The following UGGT2 variants were observed in gnomAD, a reference collection of about 807,000 sequenced individuals.
UGGT2 encodes the protein UDP-glucose glycoprotein glucosyltransferase 2, also known as UDP-glucose:glycoprotein glucosyltransferase 2.
In UGGT2, 180 loss-of-function variants were observed where a neutral mutation model predicts 192.1. The ratio of observed to expected loss-of-function variants is 0.94; its 90% CI spans 0.83 to 1.06. UGGT2 has a LOEUF of 1.06. Ranked by LOEUF, UGGT2 falls within the 50% of genes least tolerant of loss-of-function variation. The pLI is 0.00. For synonymous variants in UGGT2, 580 were observed against 591.0 expected (o/e 0.98, Z 0.27); for missense variants, 1,849 against 1,795.7 (o/e 1.03, Z -0.54).
At chr13:95,928,574 A>C (rs1013340679) in intron 17 of UGGT2, among the ~76,000 whole-genome samples, 1 of 150,264 alleles carries the variant, frequency 6.7e-6, no homozygotes, top group African/African-American at 2.5e-5. Context: ...GGCGGGGCAG[A>C]GGTGCTCTTC....
At chr13:95,844,092 C>G (rs1297716308) in intron 36 of UGGT2, among the ~76,000 whole-genome samples, 1 of 152,086 alleles carries the variant, frequency 6.6e-6, no homozygotes, top group Admixed American at 6.6e-5. Context: ...TCCCAAGTAG[C>G]TGGAATTACA....
intron 15 of UGGT2, 30 bp downstream of exon 15, chr13:95,947,007 A>G (rs903812095): frequency 2.0e-5 from 30 of 1,522,786 alleles, no homozygotes; most frequent in Non-Finnish European, 2.2e-5. Context: ...TTTACCTTCT[A>G]AACAAATCAC....
intron 29 of UGGT2, among the ~76,000 whole-genome samples, chr13:95,871,129 T>C (rs1014839971): frequency 1.3e-5 from 2 of 152,196 alleles, no homozygotes; most frequent in Non-Finnish European, 2.9e-5. Flanking sequence ...TGATCAATAG[T>C]GAATTCATTA....
At chr13:96,048,068 T>C (rs530682579) in intron 1 of UGGT2, among the ~76,000 whole-genome samples, 28 of 152,264 alleles carry the variant, frequency 1.8e-4, no homozygotes, top group Non-Finnish European at 3.8e-4. Flanking sequence ...TATTCCAAAA[T>C]TGACCACATA....
chr13:95,956,650 CA>C (rs1281291375), intron 12 of UGGT2, among the ~76,000 whole-genome samples: 1 of 152,128 alleles, frequency 6.6e-6, no homozygotes, highest in Non-Finnish European at 1.5e-5. Flanking sequence ...TGCCACAAAG[CA>C]AAACATGCCA....
chr13:96,011,979 A>T (rs1293022099), intron 5 of UGGT2, among the ~76,000 whole-genome samples: 2 of 152,124 alleles, frequency 1.3e-5, no homozygotes, highest in Non-Finnish European at 2.9e-5. Flanking sequence ...TAACATGGCT[A>T]CATATCATGC....
At chr13:95,880,590 C>T (rs557131086) in intron 27 of UGGT2, among the ~76,000 whole-genome samples, 2 of 152,294 alleles carry the variant, frequency 1.3e-5, no homozygotes, top group East Asian at 1.9e-4. Flanking sequence ...TCTCTTTGTA[C>T]AGTTTGTTAT....
intron 20 of UGGT2, among the ~76,000 whole-genome samples, chr13:95,919,416 G>A (rs1206797308): frequency 3.3e-5 from 5 of 152,156 alleles, no homozygotes; most frequent in Admixed American, 1.3e-4. Context: ...TAGGAAGAGA[G>A]AAGTCAAATT....
rs904427560 is a variant in UGGT2, at chr13:96,010,044, T to C, written c.660+3263A>G. On this transcript the variant is annotated intron_variant, in intron 5 of 38. Coordinates refer to ENST00000376747, the MANE Select transcript of UGGT2 (RefSeq NM_020121.4). ...ATAGTGAATGCACATACACTGCCGG[T>C]GGTACTGTAAACTAGTTCATTTAAA... 3.1e-4 allele frequency among the ~76,000 whole-genome samples: 47 copies of C among 152,266 alleles called. 1 individual carries two copies. In the Middle Eastern group the frequency reaches 0.01, roughly 33 times the overall value.
At chr13:95,861,132 A>C (rs1890129059) in intron 31 of UGGT2, among the ~76,000 whole-genome samples, 1 of 152,034 alleles carries the variant, frequency 6.6e-6, no homozygotes, top group Non-Finnish European at 1.5e-5. Flanking sequence ...GTATTTTTGA[A>C]TTTTTGTGAG....
chr13:95,874,025 G>A (rs1242578136), intron 29 of UGGT2, among the ~76,000 whole-genome samples: 1 of 152,108 alleles, frequency 6.6e-6, no homozygotes, highest in Non-Finnish European at 1.5e-5. Flanking sequence ...TTAGGGCAAG[G>A]TCACTAGCCA....
At chr13:95,992,949 A>G (rs1266813373) in intron 7 of UGGT2, among the ~76,000 whole-genome samples, 1 of 152,212 alleles carries the variant, frequency 6.6e-6, no homozygotes, top group African/African-American at 2.4e-5. Context: ...AATAATTCTG[A>G]CAAAAAGACA....
chr13:96,022,665 A>T (rs929827092), intron 4 of UGGT2, among the ~76,000 whole-genome samples: 1 of 151,944 alleles, frequency 6.6e-6, no homozygotes, highest in Non-Finnish European at 1.5e-5. Context: ...AAAAAAGCAA[A>T]AAAATAGTTT....
intron 15 of UGGT2, among the ~76,000 whole-genome samples, chr13:95,943,253 G>A (rs546487944): frequency 5.3e-5 from 8 of 152,024 alleles, no homozygotes; most frequent in East Asian, 1.9e-4. Context: ...CACTTTGGTC[G>A]GAAATGCAAT....
At chr13:95,887,677 T>C (rs1192229021) in intron 26 of UGGT2, among the ~76,000 whole-genome samples, 2 of 152,206 alleles carry the variant, frequency 1.3e-5, no homozygotes, top group Admixed American at 6.5e-5. Context: ...ATGTAAATTC[T>C]GTAATTAGGT....
At chr13:95,904,255 C>G (rs893147938) in intron 20 of UGGT2, among the ~76,000 whole-genome samples, 4 of 151,766 alleles carry the variant, frequency 2.6e-5, no homozygotes, top group Admixed American at 6.6e-5. Flanking sequence ...ATTTTAGAAA[C>G]CTTTCTCTAC....
In UGGT2 at chr13:95,927,123, G is replaced by A. The variant is rs764267138; in HGVS notation, c.2105C>T (p.Thr702Ile). 3.0e-5 allele frequency: 48 copies of A among 1,607,754 alleles called. No homozygotes were observed. The highest frequency in any genetic ancestry group is 3.9e-5 in the Non-Finnish European group (46 of 1,178,474). Residue 702 changes from threonine to isoleucine, a missense_variant, in exon 19 of 39, where the codon ACT (threonine) becomes ATT (isoleucine). By Grantham distance (89) the Thr-to-Ile change is moderately conservative (BLOSUM62 -1). Transcript: ENST00000376747. ...AGTAGAGAAATCTTCAACATCAGCA[G>A]TTACTGAAAAATTTCAAATTAAACG... ...QYLNLISTSV[T>I]ADVEDFSTFF...
At chr13:95,918,447 A>T (rs2048745903) in intron 20 of UGGT2, among the ~76,000 whole-genome samples, 1 of 152,134 alleles carries the variant, frequency 6.6e-6, no homozygotes, top group Admixed American at 6.6e-5. Context: ...CAAGTTAACA[A>T]CCTAACATCT....
At chr13:95,959,030 A>G (rs945906099) in intron 12 of UGGT2, among the ~76,000 whole-genome samples, 2 of 152,174 alleles carry the variant, frequency 1.3e-5, no homozygotes, top group African/African-American at 4.8e-5. Context: ...CTGAGTCCTA[A>G]GCCACTGCAG....
Sources: gnomAD v4.1 joint callset for allele counts (sites outside exome capture counted in the v4.1 genomes callset) on GRCh38, gnomAD v4.1.1 for gene constraint, MANE v1.5 for transcripts, NCBI Gene and HGNC (gene_info 2026-07-23, HGNC 2026-07-21) for gene names.